Variants in TMCC1 observed in about 807,000 individuals in gnomAD.
TMCC1 encodes transmembrane and coiled-coil domain family 1, also known as transmembrane and coiled-coil domains protein 1.
TMCC1 carries 15 observed loss-of-function variants against 52.4 expected under a neutral mutation model. The ratio of observed to expected loss-of-function variants is 0.29; its 90% CI spans 0.19 to 0.44. The LOEUF is 0.44. Among genes scored for constraint, TMCC1 ranks in the 20% least tolerant of loss-of-function variants. The pLI is 1.00. For synonymous variants in TMCC1, 279 were observed against 301.9 expected (o/e 0.92, Z 0.79); for missense variants, 503 against 806.0 (o/e 0.62, Z 4.55).
intron 4 of TMCC1, among the ~76,000 whole-genome samples, chr3:129,715,660 T>A (rs927082393): frequency 6.6e-5 from 10 of 152,158 alleles, no homozygotes; most frequent in African/African-American, 2.2e-4. Flanking sequence ...TTAAAAGTAA[T>A]CTCCTTCTAG....
In TMCC1 at chr3:129,748,666, T is replaced by C. The variant is rs116798254; in HGVS notation, c.577-77402A>G. Among the ~76,000 whole-genome samples the C allele has an allele frequency of 6.8e-3, 1,040 of 152,242 alleles. 11 individuals are homozygous for C. Among genetic ancestry groups the C allele is most frequent in the African/African-American group, 0.024 (992 of 41,542 alleles). On this transcript the variant is annotated intron_variant, in intron 4 of 6. Coordinates refer to ENST00000393238, the MANE Select transcript of TMCC1 (RefSeq NM_001017395.5). Reference sequence around the variant, plus strand: ...TCATAAAATGTTTCATAAATCATTATAGTAGCTACTACATACCCAAGATCT... The same window carrying C: ...TCATAAAATGTTTCATAAATCATTACAGTAGCTACTACATACCCAAGATCT...
intron 4 of TMCC1, among the ~76,000 whole-genome samples, chr3:129,731,455 G>GT (rs1239493579): frequency 6.6e-6 from 1 of 152,164 alleles, no homozygotes; most frequent in African/African-American, 2.4e-5. Context: ...ATGCATGCCT[G>GT]TAATCCCAGC....
intron 4 of TMCC1, among the ~76,000 whole-genome samples, chr3:129,690,598 T>C (rs1036948064): frequency 6.6e-6 from 1 of 152,140 alleles, no homozygotes; most frequent in African/African-American, 2.4e-5. Flanking sequence ...AAAAAGGAAG[T>C]GAGTGTGTAA....
Position 129,732,880 on chromosome 3 carries a change from G to C in TMCC1, c.577-61616C>G, listed in dbSNP as rs142520185. 6.6e-5 allele frequency among the ~76,000 whole-genome samples: 10 copies of C among 152,318 alleles called. No homozygotes were observed. In the East Asian group the frequency reaches 1.9e-3, roughly 29 times the overall value. ...GAAAAAGTTTCTGTACTTTCTATTA[G>C]TATTACAATATCGCCTTCCCATTCT... On this transcript the variant is annotated intron_variant, in intron 4 of 6. Coordinates refer to ENST00000393238, the MANE Select transcript of TMCC1 (RefSeq NM_001017395.5).
intron 4 of TMCC1, chr3:129,688,385 A>G: frequency 1.0e-6 from 1 of 985,436 alleles, no homozygotes; most frequent in Non-Finnish European, 1.2e-6. Context: ...TCCGAGAATA[A>G]CGCTGCAAAT....
chr3:129,723,679 C>T (rs1162185683), intron 4 of TMCC1, among the ~76,000 whole-genome samples: 1 of 152,176 alleles, frequency 6.6e-6, no homozygotes, highest in Non-Finnish European at 1.5e-5. Flanking sequence ...AGAGCACCCT[C>T]TACATTCTGT....
intron 4 of TMCC1, among the ~76,000 whole-genome samples, chr3:129,771,070 C>G (rs1201949251): frequency 6.6e-6 from 1 of 152,172 alleles, no homozygotes; most frequent in Non-Finnish European, 1.5e-5. Flanking sequence ...ACAGCTATCC[C>G]TCTAATACTT....
At chr3:129,818,652 A>G (rs187458950) in intron 4 of TMCC1, among the ~76,000 whole-genome samples, 10 of 148,958 alleles carry the variant, frequency 6.7e-5, no homozygotes, top group Non-Finnish European at 1.3e-4. Context: ...AAAAGTTTTA[A>G]AGAAACTTTT....
chr3:129,688,897 T>C (rs1281306061), intron 4 of TMCC1, among the ~76,000 whole-genome samples: 1 of 152,182 alleles, frequency 6.6e-6, no homozygotes, highest in Non-Finnish European at 1.5e-5. Flanking sequence ...TCAGATAAGG[T>C]TGAAAGAATC....
intron 2 of TMCC1, among the ~76,000 whole-genome samples, chr3:129,873,554 C>T (rs931535080): frequency 2.6e-5 from 4 of 152,022 alleles, no homozygotes; most frequent in Non-Finnish European, 4.4e-5. Context: ...GTGGTGCACG[C>T]CTCTAGTCCC....
chr3:129,797,097 A>G (rs542719550), intron 4 of TMCC1, among the ~76,000 whole-genome samples: 2 of 152,222 alleles, frequency 1.3e-5, no homozygotes, highest in African/African-American at 4.8e-5. Flanking sequence ...AGGCTGAGGC[A>G]GGTGGATCAC....
rs1490488155 is a variant in TMCC1 at position 129,648,526 on chromosome 3, A to T, written c.*2955T>A. The T allele has an allele frequency of 1.3e-5, 2 of 152,226 alleles. No individual in the cohort carries two copies. The highest frequency in any genetic ancestry group is 2.9e-5 in the Non-Finnish European group (2 of 68,032). The allele number at this position is 152,226 out of a possible 1,614,324, so 9.4% of individuals were successfully genotyped here. ...TATACCAAGGAATGGAAATTGGAGC[A>T]GACAGAAGTACCCTTCAATTATCAT... On this transcript the variant is annotated 3_prime_UTR_variant, in exon 7 of 7. Transcript: ENST00000393238.
intron 4 of TMCC1, among the ~76,000 whole-genome samples, chr3:129,773,172 C>A (rs540287941): frequency 1.3e-5 from 2 of 152,264 alleles, no homozygotes; most frequent in South Asian, 4.1e-4. Context: ...AATGGAATAC[C>A]ATGCAACTTT....
chr3:129,794,048 C>T (rs951983601), intron 4 of TMCC1, among the ~76,000 whole-genome samples: 1 of 152,174 alleles, frequency 6.6e-6, no homozygotes, highest in Non-Finnish European at 1.5e-5. Flanking sequence ...TTCACACACA[C>T]CCTTCTGGAA....
At chr3:129,784,165 C>CT (rs540969413) in intron 4 of TMCC1, among the ~76,000 whole-genome samples, 64 of 148,800 alleles carry the variant, frequency 4.3e-4, no homozygotes, top group African/African-American at 1.1e-3. Context: ...ATTCATGAAA[C>CT]TTTTTTTTTT....
chr3:129,762,718 G>C (rs575511182), intron 4 of TMCC1, among the ~76,000 whole-genome samples: 1 of 152,182 alleles, frequency 6.6e-6, no homozygotes, highest in Non-Finnish European at 1.5e-5. Flanking sequence ...GGAGTTAGAG[G>C]TTGCTGTGAG....
chr3:129,873,196 C>G (rs1312336413), intron 2 of TMCC1, among the ~76,000 whole-genome samples: 1 of 152,070 alleles, frequency 6.6e-6, no homozygotes, highest in African/African-American at 2.4e-5. Flanking sequence ...CCACCGCGCC[C>G]AGCCTATCCT....
At chr3:129,843,911 CA>C (rs11391229) in intron 2 of TMCC1, among the ~76,000 whole-genome samples, 47 of 135,588 alleles carry the variant, frequency 3.5e-4, no homozygotes, top group African/African-American at 1.1e-3. Context: ...CAGACACTAC[CA>C]AAAAAAAAAA....
chr3:129,704,740 A>G (rs1347423882), intron 4 of TMCC1, among the ~76,000 whole-genome samples: 1 of 152,126 alleles, frequency 6.6e-6, no homozygotes, highest in Non-Finnish European at 1.5e-5. Flanking sequence ...TTTTAAGGGA[A>G]CAATTCTGCT....
Sources: allele counts gnomAD v4.1 joint callset (sites outside exome capture counted in the v4.1 genomes callset), GRCh38; gene constraint gnomAD v4.1.1; transcripts MANE v1.5; gene names NCBI Gene and HGNC (gene_info 2026-07-23, HGNC 2026-07-21).